Variants in DLG2 observed in about 807,000 individuals in gnomAD.
DLG2 encodes the protein discs large MAGUK scaffold protein 2, also known as disks large homolog 2.
Under a neutral mutation model 132.5 loss-of-function variants are expected in DLG2, and 45 were observed. The ratio of observed to expected loss-of-function variants is 0.34; its 90% CI spans 0.27 to 0.44. DLG2 has a LOEUF of 0.44. DLG2 is among the 20% of genes least tolerant of loss of function. DLG2 has a pLI of 1.00. For missense variants in DLG2, 1,045 were observed against 1,196.9 expected, an observed-to-expected ratio of 0.87 and a Z score of 1.87; for synonymous variants, 424 against 419.6, an observed-to-expected ratio of 1.01 and a Z score of -0.13.
chr11:85,282,973 A>G (rs2078326809), intron 4 of DLG2, among the ~76,000 whole-genome samples: 4 of 152,046 alleles, frequency 2.6e-5, no homozygotes. Flanking sequence ...ATCCTTAGCC[A>G]ACTAACACAG....
chr11:84,469,511 T>C (rs1210289051), intron 7 of DLG2, among the ~76,000 whole-genome samples: 1 of 151,652 alleles, frequency 6.6e-6, no homozygotes, highest in Admixed American at 6.6e-5. Context: ...AACAAATCCT[T>C]GCAGTAGACA....
At chr11:85,412,760 C>CACATATATATAT (rs756868795) in intron 3 of DLG2, among the ~76,000 whole-genome samples, 18 of 113,276 alleles carry the variant, frequency 1.6e-4, no homozygotes, top group African/African-American at 4.1e-4. Context: ...CACACACACA[C>CACATATATATAT]ATATATATAT....
intron 15 of DLG2, among the ~76,000 whole-genome samples, chr11:83,875,424 A>C (rs1352324883): frequency 6.6e-6 from 1 of 152,192 alleles, no homozygotes; most frequent in Non-Finnish European, 1.5e-5. Flanking sequence ...AAAGTTGCTC[A>C]GAGTCACATG....
intron 7 of DLG2, among the ~76,000 whole-genome samples, chr11:84,254,306 G>A (rs1171415059): frequency 6.6e-6 from 1 of 151,856 alleles, no homozygotes; most frequent in Non-Finnish European, 1.5e-5. Flanking sequence ...CCTATGTAAT[G>A]CCATTTAAAA....
At chr11:84,067,556 C>CCACACACA (rs35165434) in intron 10 of DLG2, among the ~76,000 whole-genome samples, 2 of 148,860 alleles carry the variant, frequency 1.3e-5, no homozygotes, top group African/African-American at 2.5e-5. Flanking sequence ...ACACCCCCCA[C>CCACACACA]CACACACACA....
At chr11:84,099,708 T>C (rs1438503074) in intron 9 of DLG2, among the ~76,000 whole-genome samples, 5 of 150,032 alleles carry the variant, frequency 3.3e-5, no homozygotes, top group Non-Finnish European at 5.9e-5. Context: ...CTTACTCCTG[T>C]AGATTATAGT....
At chr11:84,180,380 T>C (rs1455373171) in intron 8 of DLG2, among the ~76,000 whole-genome samples, 4 of 151,826 alleles carry the variant, frequency 2.6e-5, no homozygotes, top group Non-Finnish European at 5.9e-5. Context: ...TTAAGAAATG[T>C]GAGACATCTA....
At chr11:84,861,573 A>C (rs969017134) in intron 6 of DLG2, among the ~76,000 whole-genome samples, 1 of 148,434 alleles carries the variant, frequency 6.7e-6, no homozygotes, top group African/African-American at 2.5e-5. Flanking sequence ...ATAAAAGCCA[A>C]AATTGACAAA....
intron 6 of DLG2, among the ~76,000 whole-genome samples, chr11:84,610,292 T>C (rs2099593065): frequency 6.6e-6 from 1 of 152,240 alleles, no homozygotes; most frequent in South Asian, 2.1e-4. Context: ...ATTATTATTC[T>C]GTAGTGAGCA....
chr11:85,426,902 C>G (rs1421008936), intron 3 of DLG2, among the ~76,000 whole-genome samples: 1 of 152,122 alleles, frequency 6.6e-6, no homozygotes, highest in African/African-American at 2.4e-5. Context: ...GAATGGCTAA[C>G]TAGAATAACC....
At chr11:84,284,378 G>A (rs541384675) in intron 7 of DLG2, among the ~76,000 whole-genome samples, 3 of 152,172 alleles carry the variant, frequency 2.0e-5, no homozygotes, top group Non-Finnish European at 4.4e-5. Context: ...GTGGTGTATT[G>A]AAGTCCATAT....
intron 8 of DLG2, among the ~76,000 whole-genome samples, chr11:84,193,967 C>T (rs982935261): frequency 9.2e-5 from 14 of 152,204 alleles, no homozygotes; most frequent in South Asian, 8.3e-4. Flanking sequence ...GGAACATGCT[C>T]AGGAAATATT....
chr11:84,802,657 C>T (rs2075541176), intron 6 of DLG2, among the ~76,000 whole-genome samples: 1 of 132,328 alleles, frequency 7.6e-6, no homozygotes, highest in African/African-American at 2.7e-5. Context: ...AAAAAAAAAA[C>T]TCTGGGTGGT....
chr11:85,098,857 A>G (rs2070373665), intron 6 of DLG2, among the ~76,000 whole-genome samples: 1 of 152,210 alleles, frequency 6.6e-6, no homozygotes, highest in South Asian at 2.1e-4. Context: ...GGACCAGCCA[A>G]TGAAATATTC....
chr11:84,940,537 G>A (rs1222003774), intron 6 of DLG2, among the ~76,000 whole-genome samples: 2 of 152,154 alleles, frequency 1.3e-5, no homozygotes, highest in Non-Finnish European at 2.9e-5. Flanking sequence ...TGAGAAATGT[G>A]TATTGAGATC....
At chr11:85,556,723 T>C (rs549824749) in intron 3 of DLG2, among the ~76,000 whole-genome samples, 2 of 151,844 alleles carry the variant, frequency 1.3e-5, no homozygotes, top group Non-Finnish European at 2.9e-5. Flanking sequence ...CCACCTATGT[T>C]CACCAGGTAA....
chr11:85,063,476 C>T (rs1226725012), intron 6 of DLG2, among the ~76,000 whole-genome samples: 1 of 151,736 alleles, frequency 6.6e-6, no homozygotes. Context: ...TTATGGGGCT[C>T]CTAGAAATTT....
At chr11:84,301,855 C>A (rs2098159137) in intron 7 of DLG2, among the ~76,000 whole-genome samples, 1 of 151,920 alleles carries the variant, frequency 6.6e-6, no homozygotes, top group African/African-American at 2.4e-5. Context: ...TGGGTATATA[C>A]CCAAAGGATT....
intron 7 of DLG2, among the ~76,000 whole-genome samples, chr11:84,414,405 C>A (rs1046761284): frequency 1.3e-5 from 2 of 152,094 alleles, no homozygotes; most frequent in African/African-American, 2.4e-5. Context: ...TGCTGCATAA[C>A]CATAAAAGAA....
Sources: allele counts gnomAD v4.1 joint callset (sites outside exome capture counted in the v4.1 genomes callset), GRCh38; gene constraint gnomAD v4.1.1; transcripts MANE v1.5; gene names NCBI Gene and HGNC (gene_info 2026-07-23, HGNC 2026-07-21).